Variants in STMN3 observed in about 807,000 individuals in gnomAD.
STMN3 encodes the protein stathmin 3, also known as stathmin-3.
Under a neutral mutation model 23.2 loss-of-function variants are expected in STMN3, and 24 were observed. The ratio of observed to expected loss-of-function variants is 1.03; its 90% CI spans 0.75 to 1.45. The LOEUF (loss-of-function observed/expected upper bound fraction) is 1.45. Among genes scored for constraint, STMN3 ranks in the 40% most tolerant of loss-of-function variants. STMN3 has a pLI of 0.00. For missense variants in STMN3, 235 were observed against 237.6 expected, an observed-to-expected ratio of 0.99 and a Z score of 0.07; for synonymous variants, 117 against 103.4, an observed-to-expected ratio of 1.13 and a Z score of -0.80.
At position 63,641,102 on chromosome 20, in the gene STMN3, C is replaced by G. The variant is rs1327137856; in HGVS notation, c.*236G>C. On this transcript the variant is annotated 3_prime_UTR_variant, in exon 5 of 5. Transcript: ENST00000370053. ...CCCCGGGGGACCCAGCCGCGCCCGG[C>G]CTGGTGTCTGCACCGAGGGACCGCG... is the stretch of plus-strand genomic sequence containing the variant. 1.7e-6 allele frequency: 1 copy of G among 595,796 alleles called. No homozygotes were observed. The highest frequency in any genetic ancestry group is 3.1e-6 in the Non-Finnish European group (1 of 327,394). The allele number at this position is 595,796 out of a possible 1,614,324, so 36.9% of individuals were successfully genotyped here. A position where few individuals can be genotyped will look rare whatever the true frequency, so the allele number is the denominator to read the frequency against.
At chr20:63,642,569 G>T (rs1283175691) in intron 3 of STMN3, among the ~76,000 whole-genome samples, 1 of 151,748 alleles carries the variant, frequency 6.6e-6, no homozygotes, top group Admixed American at 6.6e-5. Context: ...TCCTGGCTGC[G>T]CCCAGGGCCC....
rs1444737442 is a variant in STMN3 at position 63,647,775 on chromosome 20, CGT to C, written c.20-3468_20-3467del. On this transcript the variant is annotated intron_variant, in intron 1 of 4. Transcript: ENST00000370053. ...TATATAATATATATACATATATACA[CGT>C]GTATATATATAATATATATACGTAT... Among the ~76,000 whole-genome samples, 73 of 115,894 alleles carry C rather than the reference CGT, an allele frequency of 6.3e-4. 1 individual carries two copies. The highest frequency in any genetic ancestry group is 2.2e-3 in the African/African-American group (69 of 31,478). The allele number at this position is 115,894 out of a possible 152,430, so 76.0% of individuals were successfully genotyped here. A position where few individuals can be genotyped will look rare whatever the true frequency, so the allele number is the denominator to read the frequency against.
At chr20:63,648,643 G>A (rs1464657227) in intron 1 of STMN3, among the ~76,000 whole-genome samples, 1 of 152,198 alleles carries the variant, frequency 6.6e-6, no homozygotes, top group Non-Finnish European at 1.5e-5. Flanking sequence ...GGCTGAGGCA[G>A]GAGAATCACT....
At chr20:63,649,153 T>C (rs928787516) in intron 1 of STMN3, among the ~76,000 whole-genome samples, 1 of 152,148 alleles carries the variant, frequency 6.6e-6, no homozygotes, top group Non-Finnish European at 1.5e-5. Context: ...GAGGAGCTTC[T>C]ATCCCAAGAG....
Position 63,652,817 on chromosome 20 carries a change from C to T in STMN3, c.19+510G>A, listed in dbSNP as rs112087793. 0.082 allele frequency: 80,044 copies of T among 979,554 alleles called. 3,355 individuals carry two copies. The highest frequency in any genetic ancestry group is 0.085 in the Non-Finnish European group (70,186 of 824,570). The allele number at this position is 979,554 out of a possible 1,614,324, so 60.7% of individuals were successfully genotyped here. ...TCCGGGCTCCGCCGTGTCTGGCCCG[C>T]CCCCCTCCTTCAGCGCCCCCTCCAG... On this transcript the variant is annotated intron_variant, in intron 1 of 4. Coordinates refer to ENST00000370053, the MANE Select transcript of STMN3 (RefSeq NM_015894.4). The surrounding 1 kb of genome is among the most constrained non-coding windows in gnomAD (Gnocchi z 5.3).
At chr20:63,647,706 A>T (rs1037611172) in intron 1 of STMN3, among the ~76,000 whole-genome samples, 1 of 132,258 alleles carries the variant, frequency 7.6e-6, no homozygotes, top group African/African-American at 2.7e-5. Flanking sequence ...TATAATATAT[A>T]TACACGTGTA....
chr20:63,647,999 G>C lies in STMN3; in HGVS notation c.20-3690C>G, dbSNP rs1376812767. ...ATATATACATATATATATACAGAGA[G>C]AGAGAGAGTAGTGATAGGTCTTGCT... is the stretch of plus-strand genomic sequence containing the variant. On this transcript the variant is annotated intron_variant, in intron 1 of 4. Coordinates refer to ENST00000370053, the MANE Select transcript of STMN3 (RefSeq NM_015894.4). Among the ~76,000 whole-genome samples the C allele has an allele frequency of 3.5e-5, 4 of 115,852 alleles. No individual in the cohort carries two copies. In the Admixed American group the frequency reaches 3.6e-4, roughly 10 times the overall value. The allele number at this position is 115,852 out of a possible 152,430, so 76.0% of individuals were successfully genotyped here. A position where few individuals can be genotyped will look rare whatever the true frequency, so the allele number is the denominator to read the frequency against.
intron 3 of STMN3, 112 bp downstream of exon 3, chr20:63,643,644 G>A (rs2089785455): frequency 7.2e-7 from 1 of 1,397,818 alleles, no homozygotes; most frequent in African/African-American, 1.5e-5. Context: ...TCCTGCTCCA[G>A]GCCAAGGCAC....
chr20:63,653,282 G>A, intron 1 of STMN3, 45 bp downstream of exon 1: 1 of 1,543,204 alleles, frequency 6.5e-7, no homozygotes, highest in Non-Finnish European at 8.7e-7. Flanking sequence ...CGAGGCCTCT[G>A]CTCAGATCCC....
intron 1 of STMN3, among the ~76,000 whole-genome samples, chr20:63,647,654 ATATATATAATATATATATACG>A (rs1569069745): frequency 6.8e-5 from 9 of 131,484 alleles, no homozygotes; most frequent in African/African-American, 2.3e-4. Flanking sequence ...ATATACATGT[ATATATATAATATATATATACG>A]TATATATACA....
rs1209281338 is a variant in STMN3 at position 63,652,605 on chromosome 20, TGGAGGGGCG to T, written c.19+713_19+721del. Reference sequence around the variant, plus strand: ...GGCGGTGGGTCCGCCCCGCGGGAGGTGGAGGGGCGGGAGGGGCGGAGCCCTCTGGTCTCC... The same window carrying T: ...GGCGGTGGGTCCGCCCCGCGGGAGGTGGAGGGGCGGAGCCCTCTGGTCTCC... On this transcript the variant is annotated intron_variant, in intron 1 of 4. Transcript: ENST00000370053. This position sits in a 1 kb window ranked among gnomAD's most constrained non-coding sequence, Gnocchi z 5.3. 9.1e-6 allele frequency: 9 copies of T among 984,632 alleles called. No homozygotes were observed. The highest frequency in any genetic ancestry group is 3.5e-5 in the African/African-American group (2 of 56,980). 61.0% of individuals were successfully genotyped at this position (984,632 alleles called of 1,614,324 possible). A position where few individuals can be genotyped will look rare whatever the true frequency, so the allele number is the denominator to read the frequency against.
chr20:63,649,276 A>G (rs1324590483), intron 1 of STMN3, among the ~76,000 whole-genome samples: 1 of 152,192 alleles, frequency 6.6e-6, no homozygotes, highest in African/African-American at 2.4e-5. Flanking sequence ...GGGGCAGGAC[A>G]GCAGGTCAGG....
At chr20:63,648,167 T>C (rs955575601) in intron 1 of STMN3, among the ~76,000 whole-genome samples, 1 of 151,266 alleles carries the variant, frequency 6.6e-6, no homozygotes, top group Non-Finnish European at 1.5e-5. Flanking sequence ...ATGAGGGAGT[T>C]AGAGGGTGTG....
intron 1 of STMN3, among the ~76,000 whole-genome samples, chr20:63,647,991 T>TATAGATATATATATACAC: frequency 1.3e-5 from 1 of 75,894 alleles, no homozygotes; most frequent in African/African-American, 4.8e-5. Context: ...CATATATATA[T>TATAGATATATATATACAC]ACAGAGAGAG....
chr20:63,644,410 C>CATGAT, intron 1 of STMN3, 101 bp from the exon 2 acceptor site: 2 of 863,084 alleles, frequency 2.3e-6, no homozygotes, highest in Non-Finnish European at 3.7e-6. Context: ...CTCTGTGAGA[C>CATGAT]ACGGAGCTGC....
chr20:63,645,557 G>T (rs1006816563), intron 1 of STMN3, among the ~76,000 whole-genome samples: 7 of 152,212 alleles, frequency 4.6e-5, no homozygotes, highest in African/African-American at 1.4e-4. Context: ...GAAGAGGAAG[G>T]CGCCTGCTGT....
chr20:63,651,636 C>T (rs1017989763), intron 1 of STMN3, among the ~76,000 whole-genome samples: 2 of 152,238 alleles, frequency 1.3e-5, no homozygotes, highest in South Asian at 2.1e-4. Flanking sequence ...GCACTCATCT[C>T]TTAGCAGGCA....
In STMN3 at chr20:63,640,814, C is replaced by T. The variant is rs940120459; in HGVS notation, c.*524G>A. 3 of 212,654 alleles carry T rather than the reference C, an allele frequency of 1.4e-5. No homozygotes were observed. Among genetic ancestry groups the T allele is most frequent in the African/African-American group, 7.2e-5 (3 of 41,836 alleles). 13.2% of individuals were successfully genotyped at this position (212,654 alleles called of 1,614,324 possible). ...AGGAAAGCTGCAGCCCCCACCCACC[C>T]GCCTGCCAGTTCAACAAGCACCGGC... is the stretch of plus-strand genomic sequence containing the variant. On this transcript the variant is annotated 3_prime_UTR_variant, in exon 5 of 5. Transcript: ENST00000370053.
At chr20:63,641,967 G>GCTT (rs2089770023) in intron 4 of STMN3, 141 bp downstream of exon 4, 4 of 69,830 alleles carry the variant, frequency 5.7e-5, no homozygotes, top group Non-Finnish European at 8.4e-5. Flanking sequence ...GCTCCGCCCT[G>GCTT]GCCCCGCCCC....
Sources: gnomAD v4.1 joint callset for allele counts (sites outside exome capture counted in the v4.1 genomes callset) on GRCh38, gnomAD v4.1.1 for gene constraint, Gnocchi (gnomAD v3.1) non-coding constraint, MANE v1.5 for transcripts, NCBI Gene and HGNC (gene_info 2026-07-23, HGNC 2026-07-21) for gene names.